CHRM3: variants seen among roughly 807,000 people sequenced by gnomAD.
The protein encoded by CHRM3 is cholinergic receptor muscarinic 3, also known as muscarinic acetylcholine receptor M3.
In CHRM3, 11 loss-of-function variants were observed where a neutral mutation model predicts 41.8. The observed-to-expected ratio is 0.26, with a 90% CI of 0.17 to 0.44. The LOEUF (loss-of-function observed/expected upper bound fraction) is 0.44, where lower values mean the gene tolerates loss of function less well. Among genes scored for constraint, CHRM3 ranks in the 20% least tolerant of loss-of-function variants. CHRM3 has a pLI of 1.00. For synonymous variants in CHRM3, 297 were observed against 301.4 expected (o/e 0.99, Z 0.15); for missense variants, 571 against 745.4 (o/e 0.77, Z 2.72).
At chr1:239,697,274 C>T (rs935453292) in intron 5 of CHRM3, among the ~76,000 whole-genome samples, 2 of 152,060 alleles carry the variant, frequency 1.3e-5, no homozygotes, top group African/African-American at 4.8e-5. Flanking sequence ...CTCGTGAGAT[C>T]TGATGGTTTT....
At position 239,909,143 on chromosome 1, in the gene CHRM3, CAA is replaced by C. The variant is rs751548647; in HGVS notation, c.1699_1700del (p.Lys567GlufsTer26). 1 of 1,611,778 alleles carries C rather than the reference CAA, an allele frequency of 6.2e-7. No individual in the cohort carries two copies. Among genetic ancestry groups the C allele is most frequent in the Non-Finnish European group, 8.5e-7 (1 of 1,179,294 alleles). The stretch of plus-strand genomic sequence containing the variant: ...AGATGCTGCTGCTGTGCCAGTGTGA[CAA>C]AAAAAAGAGGCGCAAGCAGCAGTAC... ...FKMLLLCQCD[K>X]KKRRKQQYQQ... is the part of the protein sequence containing the mutation. On this transcript the variant is annotated frameshift_variant, in exon 7 of 7. Transcript: ENST00000676153. LOFTEE classifies it high-confidence loss of function.
intron 3 of CHRM3, among the ~76,000 whole-genome samples, chr1:239,553,306 A>G (rs922411509): frequency 5.9e-5 from 9 of 152,066 alleles, no homozygotes; most frequent in African/African-American, 2.2e-4. Flanking sequence ...ACCCTTGCTA[A>G]TTTAATATTC....
intron 5 of CHRM3, among the ~76,000 whole-genome samples, chr1:239,820,391 T>C (rs1023042982): frequency 6.6e-6 from 1 of 152,192 alleles, no homozygotes; most frequent in Non-Finnish European, 1.5e-5. Flanking sequence ...GAGCAGATGA[T>C]GGTGTGTGAC....
chr1:239,854,025 T>A (rs1258236859), intron 6 of CHRM3, among the ~76,000 whole-genome samples: 1 of 152,114 alleles, frequency 6.6e-6, no homozygotes, highest in Non-Finnish European at 1.5e-5. Context: ...TTTAAAGATT[T>A]TACCTACATC....
intron 5 of CHRM3, among the ~76,000 whole-genome samples, chr1:239,743,647 G>T (rs984536707): frequency 2.6e-5 from 4 of 152,074 alleles, no homozygotes; most frequent in Admixed American, 6.6e-5. Flanking sequence ...CACAGATCCA[G>T]TATGTGTGAA....
At chr1:239,566,322 C>T (rs577942057) in intron 3 of CHRM3, among the ~76,000 whole-genome samples, 19 of 152,188 alleles carry the variant, frequency 1.2e-4, no homozygotes, top group African/African-American at 4.6e-4. Flanking sequence ...TTACGTTAAC[C>T]AGTTTAAGTG....
Position 239,907,335 on chromosome 1 carries a change from G to A in CHRM3, c.-19-98G>A. The A allele has an allele frequency of 1.2e-6, 1 of 862,208 alleles. No individual in the cohort carries two copies. The highest frequency in any genetic ancestry group is 2.7e-5 in the Admixed American group (1 of 37,470). 53.4% of individuals were successfully genotyped at this position (862,208 alleles called of 1,614,324 possible). A position where few individuals can be genotyped will look rare whatever the true frequency, so the allele number is the denominator to read the frequency against. Reference sequence around the variant, plus strand: ...TGGCTTCATAGAGATTCAGCACCCTGTAATAGGCCTTCCATGTCTTTTAAC... The same window carrying A: ...TGGCTTCATAGAGATTCAGCACCCTATAATAGGCCTTCCATGTCTTTTAAC... On this transcript the variant is annotated intron_variant, in intron 6 of 6. Transcript: ENST00000676153. The surrounding 1 kb of genome is among the most constrained non-coding windows in gnomAD (Gnocchi z 5.4).
At chr1:239,708,736 C>CCTT (rs1661443045) in intron 5 of CHRM3, among the ~76,000 whole-genome samples, 1 of 48,294 alleles carries the variant, frequency 2.1e-5, no homozygotes, top group Non-Finnish European at 3.5e-5. Context: ...TTTAAATTTT[C>CCTT]TTTTTTTTTT....
intron 5 of CHRM3, among the ~76,000 whole-genome samples, chr1:239,770,187 G>A (rs1211685148): frequency 6.6e-6 from 1 of 152,124 alleles, no homozygotes; most frequent in Non-Finnish European, 1.5e-5. Flanking sequence ...TTCATTTCAA[G>A]CATGTGTTGT....
In CHRM3 at chr1:239,639,507, T is replaced by A. The variant is rs181255956; in HGVS notation, c.-250+7221T>A. ...CCCTAGTAAGTTGGATTCTTGGTAT[T>A]TTATTGTCTTTGAATCAATTGTGAA... is the stretch of plus-strand genomic sequence containing the variant. On this transcript the variant is annotated intron_variant, in intron 4 of 6. Coordinates refer to ENST00000676153, the MANE Select transcript of CHRM3 (RefSeq NM_001375978.1). Among the ~76,000 whole-genome samples the A allele has an allele frequency of 8.9e-4, 136 of 152,338 alleles. 1 individual carries two copies. Among genetic ancestry groups the A allele is most frequent in the African/African-American group, 3.0e-3 (125 of 41,584 alleles).
intron 6 of CHRM3, among the ~76,000 whole-genome samples, chr1:239,871,252 T>A (rs888610338): frequency 6.6e-6 from 1 of 152,150 alleles, no homozygotes; most frequent in South Asian, 2.1e-4. Flanking sequence ...TATTATTATA[T>A]TATTTTTTGA....
chr1:239,803,274 C>T (rs1277862008), intron 5 of CHRM3, among the ~76,000 whole-genome samples: 2 of 152,166 alleles, frequency 1.3e-5, no homozygotes, highest in Non-Finnish European at 2.9e-5. Context: ...ACACAAAAGC[C>T]TAACTCCAGG....
intron 1 of CHRM3, among the ~76,000 whole-genome samples, chr1:239,487,444 A>G (rs1432402764): frequency 6.6e-6 from 1 of 152,160 alleles, no homozygotes; most frequent in African/African-American, 2.4e-5. Context: ...TAACACTTAG[A>G]TTTTGGGAGA....
chr1:239,600,133 G>C (rs1410406744), intron 3 of CHRM3, among the ~76,000 whole-genome samples: 2 of 152,112 alleles, frequency 1.3e-5, no homozygotes, highest in Non-Finnish European at 2.9e-5. Context: ...TCACATCTGA[G>C]TTGTGTTTAT....
chr1:239,874,297 A>ATATATATATC (rs1553291920), intron 6 of CHRM3, among the ~76,000 whole-genome samples: 1 of 92,202 alleles, frequency 1.1e-5, no homozygotes, highest in Non-Finnish European at 2.1e-5. Context: ...ATATATATAT[A>ATATATATATC]TATATATATA....
chr1:239,528,808 G>A (rs903898179), intron 2 of CHRM3, among the ~76,000 whole-genome samples: 33 of 151,974 alleles, frequency 2.2e-4, no homozygotes, highest in African/African-American at 8.0e-4. Flanking sequence ...CATGAGAATC[G>A]CTTGAACCTG....
chr1:239,516,215 G>A (rs1669260617), intron 2 of CHRM3, among the ~76,000 whole-genome samples: 1 of 152,180 alleles, frequency 6.6e-6, no homozygotes, highest in Non-Finnish European at 1.5e-5. Context: ...CTATTCCCAG[G>A]AGGGGAGAAC....
chr1:239,562,999 C>A (rs16838510), intron 3 of CHRM3, among the ~76,000 whole-genome samples: 4 of 151,384 alleles, frequency 2.6e-5, no homozygotes, highest in Admixed American at 6.6e-5. Context: ...AAATTCATCA[C>A]GTATATAGGC....
chr1:239,858,330 T>C (rs1188838529), intron 6 of CHRM3, among the ~76,000 whole-genome samples: 2 of 152,192 alleles, frequency 1.3e-5, no homozygotes, highest in Admixed American at 6.5e-5. Flanking sequence ...AGCTCGGTTT[T>C]AGCTTTTATT....
Sources: gnomAD v4.1 joint callset for allele counts (sites outside exome capture counted in the v4.1 genomes callset) on GRCh38, gnomAD v4.1.1 for gene constraint, Gnocchi (gnomAD v3.1) non-coding constraint, MANE v1.5 for transcripts, NCBI Gene and HGNC (gene_info 2026-07-23, HGNC 2026-07-21) for gene names.